The following PRKAR1B variants were observed in gnomAD, a reference collection of about 807,000 sequenced individuals.
PRKAR1B encodes the protein protein kinase cAMP-dependent type I regulatory subunit beta, also known as cAMP-dependent protein kinase type I-beta regulatory subunit.
Under a neutral mutation model 46.5 loss-of-function variants are expected in PRKAR1B, and 22 were observed. That is an observed-to-expected ratio of 0.47 (90% confidence interval 0.34 to 0.68). The LOEUF (loss-of-function observed/expected upper bound fraction) is 0.68. PRKAR1B is among the 30% of genes least tolerant of loss of function. The pLI, the probability that PRKAR1B is intolerant of heterozygous loss-of-function variation, is 0.01. For synonymous variants in PRKAR1B, 259 were observed against 217.7 expected, an observed-to-expected ratio of 1.19 and a Z score of -1.67; for missense variants, 445 against 535.6, an observed-to-expected ratio of 0.83 and a Z score of 1.67.
chr7:549,364 G>C lies in PRKAR1B; in HGVS notation c.*1066C>G, dbSNP rs1784035737. The stretch of plus-strand genomic sequence containing the variant: ...GCATCGTAACCGCCAGCAGGGGAGG[G>C]GCTGCAACGAGCAGCCTCGGACCAA... On this transcript the variant is annotated 3_prime_UTR_variant, in exon 11 of 11. Coordinates refer to ENST00000537384, the MANE Select transcript of PRKAR1B (RefSeq NM_001164760.2). The C allele has an allele frequency of 6.6e-6, 1 of 152,266 alleles. No individual in the cohort carries two copies. The highest frequency in any genetic ancestry group is 3.2e-3 in the Middle Eastern group (1 of 316). The allele number at this position is 152,266 out of a possible 1,614,324, so 9.4% of individuals were successfully genotyped here.
At chr7:554,797 A>G (rs1407413185) in intron 9 of PRKAR1B, among the ~76,000 whole-genome samples, 1 of 150,898 alleles carries the variant, frequency 6.6e-6, no homozygotes, top group East Asian at 2.0e-4. Context: ...CAGAGCCGGA[A>G]GACAGGGGAG....
At chr7:695,634 C>T (rs1779689171) in intron 2 of PRKAR1B, among the ~76,000 whole-genome samples, 1 of 151,814 alleles carries the variant, frequency 6.6e-6, no homozygotes, top group African/African-American at 2.4e-5. Flanking sequence ...CAGCCAGCCA[C>T]CGGTGGGGTC....
intron 4 of PRKAR1B, among the ~76,000 whole-genome samples, chr7:649,552 T>C (rs1401418617): frequency 1.3e-5 from 2 of 152,116 alleles, no homozygotes; most frequent in Non-Finnish European, 2.9e-5. Context: ...CTGATTTATA[T>C]GTAGCGCCTT....
At chr7:705,503 T>C (rs1490734583) in intron 2 of PRKAR1B, among the ~76,000 whole-genome samples, 1 of 151,862 alleles carries the variant, frequency 6.6e-6, no homozygotes, top group African/African-American at 2.4e-5. Context: ...AAACATACAC[T>C]TACCCTATGA....
chr7:588,051 AT>A (rs1189986438), intron 7 of PRKAR1B, among the ~76,000 whole-genome samples: 1 of 152,146 alleles, frequency 6.6e-6, no homozygotes, highest in African/African-American at 2.4e-5. Flanking sequence ...GGCACAGGCC[AT>A]TTCCGGTAGC....
At chr7:649,103 G>T (rs1281048197) in intron 4 of PRKAR1B, among the ~76,000 whole-genome samples, 1 of 152,154 alleles carries the variant, frequency 6.6e-6, no homozygotes, top group Non-Finnish European at 1.5e-5. Context: ...GGTGGAGGTT[G>T]CAGTGAGCTG....
chr7:553,993 CCA>C (rs1158903422), intron 9 of PRKAR1B, among the ~76,000 whole-genome samples: 2 of 152,274 alleles, frequency 1.3e-5, no homozygotes, highest in Admixed American at 6.5e-5. Flanking sequence ...AGCCGGGTGC[CCA>C]CAGACTCAGA....
In PRKAR1B at chr7:680,648, G is replaced by T; in HGVS notation, c.256C>A (p.Pro86Thr). 4 of 1,613,566 alleles carry T rather than the reference G, an allele frequency of 2.5e-6. No individual in the cohort carries two copies. Among genetic ancestry groups the T allele is most frequent in the Non-Finnish European group, 2.5e-6 (3 of 1,179,904 alleles). The stretch of plus-strand genomic sequence containing the variant: ...CGGGCCTTCACCACAGGGTTCGGGG[G>T]GGTGGGCGACACCTCCTCATCATGG... ...DSHDEEVSPT[P>T]PNPVVKARRR... The change falls in exon 3 of 11, where the codon CCC becomes ACC. Residue 86 changes from proline (P) to threonine (T), a missense_variant. Pro to Thr is a conservative substitution (Grantham distance 38, BLOSUM62 -1). Coordinates refer to ENST00000537384, the MANE Select transcript of PRKAR1B (RefSeq NM_001164760.2).
At chr7:705,614 T>C (rs1780283441) in intron 2 of PRKAR1B, among the ~76,000 whole-genome samples, 1 of 152,208 alleles carries the variant, frequency 6.6e-6, no homozygotes, top group African/African-American at 2.4e-5. Flanking sequence ...TTATTTGTAG[T>C]TGGCAAAAAC....
At chr7:565,789 C>T (rs1562522950) in intron 9 of PRKAR1B, among the ~76,000 whole-genome samples, 1 of 152,178 alleles carries the variant, frequency 6.6e-6, no homozygotes, top group South Asian at 2.1e-4. Flanking sequence ...GGACTTCAGA[C>T]TTGGCCCAGC....
intron 7 of PRKAR1B, among the ~76,000 whole-genome samples, chr7:590,833 A>T (rs1780929198): frequency 6.6e-6 from 1 of 152,072 alleles, no homozygotes; most frequent in Non-Finnish European, 1.5e-5. Context: ...TGCCTGAACG[A>T]ACCGGGCTTC....
chr7:566,362 T>C (rs1779134497), intron 9 of PRKAR1B, among the ~76,000 whole-genome samples: 1 of 22,370 alleles, frequency 4.5e-5, no homozygotes, highest in Non-Finnish European at 1.0e-4. Context: ...ATCATCACCA[T>C]ATTCACCATT....
chr7:705,409 G>A (rs940769740), intron 2 of PRKAR1B, among the ~76,000 whole-genome samples: 12 of 151,880 alleles, frequency 7.9e-5, no homozygotes, highest in Middle Eastern at 6.8e-3. Context: ...ATCAAAGGCT[G>A]CCGATACTGA....
chr7:679,440 C>T (rs1304496953), intron 3 of PRKAR1B, among the ~76,000 whole-genome samples: 4 of 152,222 alleles, frequency 2.6e-5, no homozygotes, highest in African/African-American at 4.8e-5. Flanking sequence ...AGGTTCTTCT[C>T]GTGGTTAGAC....
rs191856560 is a variant in PRKAR1B at position 704,991 on chromosome 7, T to C, written c.177+6338A>G. ...CAACAACTTTAGTCATCAGGAAATG[T>C]AAAATAAAACCACTTTAGGGCCGGG... On this transcript the variant is annotated intron_variant, in intron 2 of 10. Coordinates refer to ENST00000537384, the MANE Select transcript of PRKAR1B (RefSeq NM_001164760.2). Among the ~76,000 whole-genome samples the C allele has an allele frequency of 4.0e-4, 61 of 151,430 alleles. No individual in the cohort carries two copies. The South Asian group carries it at 0.011, about 26-fold the overall frequency.
intron 7 of PRKAR1B, among the ~76,000 whole-genome samples, chr7:592,761 C>T (rs1026595884): frequency 6.6e-6 from 1 of 152,208 alleles, no homozygotes; most frequent in Non-Finnish European, 1.5e-5. Context: ...TACGGTGGCT[C>T]ACACCTCACA....
At chr7:553,072 C>T (rs1054299672) in intron 9 of PRKAR1B, among the ~76,000 whole-genome samples, 2 of 152,158 alleles carry the variant, frequency 1.3e-5, no homozygotes, top group African/African-American at 4.8e-5. Flanking sequence ...CCCTCCAGGG[C>T]CCCAGGTGTG....
chr7:596,631 C>T (rs1232961950), intron 6 of PRKAR1B, among the ~76,000 whole-genome samples: 1 of 152,256 alleles, frequency 6.6e-6, no homozygotes. Context: ...CGGCCCCAGC[C>T]TGACTCCCAG....
intron 7 of PRKAR1B, among the ~76,000 whole-genome samples, chr7:588,723 G>GTGATGGTGGTGATGT (rs1780777802): frequency 5.7e-4 from 9 of 15,744 alleles, no homozygotes; most frequent in African/African-American, 2.3e-3. Flanking sequence ...GGTGGTGATG[G>GTGATGGTGGTGATGT]TGGTGAGGAT....
Sources: allele counts gnomAD v4.1 joint callset (sites outside exome capture counted in the v4.1 genomes callset), GRCh38; gene constraint gnomAD v4.1.1; transcripts MANE v1.5; gene names NCBI Gene and HGNC (gene_info 2026-07-23, HGNC 2026-07-21).